PTPRM: variants seen among roughly 807,000 people sequenced by gnomAD.
The protein encoded by PTPRM is protein tyrosine phosphatase receptor type M.
A neutral mutation model predicts 186.7 loss-of-function variants in PTPRM; 47 were observed. That is an observed-to-expected ratio of 0.25 (90% confidence interval 0.20 to 0.32). The LOEUF (loss-of-function observed/expected upper bound fraction) is 0.32, where lower values mean the gene tolerates loss of function less well. Among genes scored for constraint, PTPRM ranks in the 10% least tolerant of loss-of-function variants. PTPRM has a pLI of 1.00. For missense variants in PTPRM, 1,494 were observed against 1,865.0 expected (o/e 0.80, Z 3.66); for synonymous variants, 668 against 674.9 (o/e 0.99, Z 0.16).
chr18:7,964,381 A>T (rs1288514049), intron 7 of PTPRM, among the ~76,000 whole-genome samples: 1 of 152,202 alleles, frequency 6.6e-6, no homozygotes, highest in Non-Finnish European at 1.5e-5. Context: ...AATAGCTAAA[A>T]ACTCTCAACA....
At chr18:7,860,604 C>T (rs2047330921) in intron 2 of PTPRM, among the ~76,000 whole-genome samples, 1 of 152,172 alleles carries the variant, frequency 6.6e-6, no homozygotes, top group East Asian at 1.9e-4. Flanking sequence ...CCTCTTTCAC[C>T]ACCTTTTCCT....
chr18:7,617,000 G>A (rs1424060948), intron 1 of PTPRM, among the ~76,000 whole-genome samples: 1 of 152,188 alleles, frequency 6.6e-6, no homozygotes, highest in African/African-American at 2.4e-5. Context: ...AGTACAGAGA[G>A]GGAGGTTCTG....
At chr18:8,040,900 C>G (rs2086650687) in intron 7 of PTPRM, among the ~76,000 whole-genome samples, 1 of 152,150 alleles carries the variant, frequency 6.6e-6, no homozygotes, top group Admixed American at 6.6e-5. Flanking sequence ...ATTAACTCTG[C>G]TATTTAGCCA....
At chr18:8,274,282 G>A (rs774326155) in intron 19 of PTPRM, among the ~76,000 whole-genome samples, 6 of 152,266 alleles carry the variant, frequency 3.9e-5, no homozygotes, top group Middle Eastern at 3.4e-3. Context: ...GCTGCAGAAC[G>A]TGGAATTTGA....
At chr18:7,985,833 G>T (rs2082935930) in intron 7 of PTPRM, among the ~76,000 whole-genome samples, 1 of 151,904 alleles carries the variant, frequency 6.6e-6, no homozygotes. Context: ...GAAATAGTAG[G>T]TCTTATTCAT....
At chr18:8,271,949 C>T (rs767718379) in intron 19 of PTPRM, among the ~76,000 whole-genome samples, 4 of 152,044 alleles carry the variant, frequency 2.6e-5, no homozygotes, top group Non-Finnish European at 4.4e-5. Flanking sequence ...CAGTGGCTCA[C>T]GCCTGTAATC....
In PTPRM at chr18:7,888,376, A is replaced by G. The variant is rs754381401; in HGVS notation, c.467A>G (p.Gln156Arg). 6.3e-7 allele frequency: 1 copy of G among 1,575,014 alleles called. No homozygotes were observed. Among genetic ancestry groups the G allele is most frequent in the Non-Finnish European group, 8.6e-7 (1 of 1,163,724 alleles). The change falls in exon 3 of 33, where the codon CAG becomes CGG. Residue 156 changes from glutamine (Q) to arginine (R), a missense_variant and splice_region_variant. By Grantham distance (43) the Gln-to-Arg change is conservative (BLOSUM62 1). This residue lies in a region of PTPRM where 296 missense variants were observed against 345.5 expected (regional missense o/e 0.86). Transcript: ENST00000580170. ...AGTACTTTCTGGCCTAACTTTTATC[A>G]GGTATGTGCTTTCTTTTTATTACAT... ...AISTFWPNFY[Q>R]VIFEVITSGH...
At chr18:7,628,334 C>T (rs1406227012) in intron 1 of PTPRM, among the ~76,000 whole-genome samples, 1 of 152,164 alleles carries the variant, frequency 6.6e-6, no homozygotes, top group East Asian at 1.9e-4. Flanking sequence ...CTTAATGATT[C>T]TACTTAAAAT....
chr18:7,988,770 C>T (rs2083103421), intron 7 of PTPRM, among the ~76,000 whole-genome samples: 1 of 152,126 alleles, frequency 6.6e-6, no homozygotes, highest in Non-Finnish European at 1.5e-5. Flanking sequence ...GAGTCATATT[C>T]CATTGGATGG....
At chr18:7,575,747 T>C (rs1395040294) in intron 1 of PTPRM, among the ~76,000 whole-genome samples, 1 of 152,148 alleles carries the variant, frequency 6.6e-6, no homozygotes, top group Admixed American at 6.5e-5. Flanking sequence ...GGACATGGCT[T>C]GTCTGTACTT....
intron 20 of PTPRM, among the ~76,000 whole-genome samples, chr18:8,298,583 C>T (rs2095121481): frequency 6.6e-6 from 1 of 152,218 alleles, no homozygotes; most frequent in Non-Finnish European, 1.5e-5. Context: ...AAAAAGCTAG[C>T]ATTTGCTGAG....
At chr18:8,011,677 C>CT (rs34876445) in intron 7 of PTPRM, among the ~76,000 whole-genome samples, 19 of 152,172 alleles carry the variant, frequency 1.2e-4, no homozygotes, top group Admixed American at 1.2e-3. Context: ...GAGTTTCACC[C>CT]TTGCAGCTAT....
intron 13 of PTPRM, among the ~76,000 whole-genome samples, chr18:8,140,214 C>T (rs1038632588): frequency 6.6e-6 from 1 of 152,072 alleles, no homozygotes; most frequent in African/African-American, 2.4e-5. Context: ...CCTTCATGGC[C>T]TTCTGGGCTT....
At chr18:8,391,346 A>G (rs956658510) in intron 31 of PTPRM, among the ~76,000 whole-genome samples, 1 of 152,224 alleles carries the variant, frequency 6.6e-6, no homozygotes. Flanking sequence ...AAACAGCCCA[A>G]ACATTCATCA....
chr18:8,397,845 G>A (rs2095852515), intron 32 of PTPRM, among the ~76,000 whole-genome samples: 1 of 152,170 alleles, frequency 6.6e-6, no homozygotes, highest in Admixed American at 6.5e-5. Flanking sequence ...GTCTTCAAGG[G>A]CAGATCTTGC....
chr18:7,895,254 T>G (rs547574512), intron 3 of PTPRM, among the ~76,000 whole-genome samples: 3 of 152,312 alleles, frequency 2.0e-5, no homozygotes, highest in South Asian at 4.1e-4. Context: ...GGGGATATGC[T>G]AGCCTCTTAA....
chr18:7,888,223 G>A lies in PTPRM; in HGVS notation c.314G>A (p.Ser105Asn), dbSNP rs772373797. The change falls in exon 3 of 33, where the codon AGC becomes AAC. Residue 105 changes from serine to asparagine, a missense_variant. By Grantham distance (46) the Ser-to-Asn change is conservative (BLOSUM62 1). Transcript: ENST00000580170. ...HCIDFHYFVS[S>N]KSNSPPGLLN... Reference sequence around the variant, plus strand: ...ATCGATTTTCACTATTTTGTGTCCAGCAAGAGTAATTCTCCTCCGGGGTTA... The same window carrying A: ...ATCGATTTTCACTATTTTGTGTCCAACAAGAGTAATTCTCCTCCGGGGTTA... 2 of 1,613,958 alleles carry A rather than the reference G, an allele frequency of 1.2e-6. No homozygotes were observed. Among genetic ancestry groups the A allele is most frequent in the African/African-American group, 1.3e-5 (1 of 74,872 alleles).
chr18:7,917,269 C>T (rs1446596418), intron 4 of PTPRM, among the ~76,000 whole-genome samples: 2 of 152,206 alleles, frequency 1.3e-5, no homozygotes, highest in Non-Finnish European at 2.9e-5. Flanking sequence ...TGCGGTGGCT[C>T]ACGCCTGTAA....
intron 1 of PTPRM, among the ~76,000 whole-genome samples, chr18:7,737,596 T>TATTTTAACTAA (rs2040798957): frequency 6.6e-6 from 1 of 152,240 alleles, no homozygotes; most frequent in Non-Finnish European, 1.5e-5. Flanking sequence ...AAAATACCTG[T>TATTTTAACTAA]GGACTGGCTG....
Sources: gnomAD v4.1 joint callset for allele counts (sites outside exome capture counted in the v4.1 genomes callset) on GRCh38, gnomAD v4.1.1 for gene constraint, gnomAD v4.1.1 regional missense constraint, MANE v1.5 for transcripts, NCBI Gene and HGNC (gene_info 2026-07-23, HGNC 2026-07-21) for gene names.